Variants in RGS6 observed in about 807,000 individuals in gnomAD.
RGS6 encodes regulator of G-protein signaling 6.
In RGS6, 30 loss-of-function variants were observed where a neutral mutation model predicts 78.5. The observed-to-expected ratio is 0.38, with a 90% CI of 0.29 to 0.52. The LOEUF (loss-of-function observed/expected upper bound fraction) is 0.52. RGS6 is among the 20% of genes least tolerant of loss of function. The pLI is 0.85. For synonymous variants in RGS6, 206 were observed against 206.0 expected, an observed-to-expected ratio of 1.00 and a Z score of 0.00; for missense variants, 495 against 609.7, an observed-to-expected ratio of 0.81 and a Z score of 1.98.
chr14:72,137,521 C>A (rs2096463867), intron 2 of RGS6, among the ~76,000 whole-genome samples: 5 of 152,244 alleles, frequency 3.3e-5, no homozygotes, highest in Admixed American at 2.0e-4. Flanking sequence ...TACTTCTGAG[C>A]AACTGGCCAT....
the RGS6 span, among the ~76,000 whole-genome samples, chr14:71,899,352 G>T: frequency 6.6e-6 from 1 of 152,118 alleles, no homozygotes; most frequent in Non-Finnish European, 1.5e-5. Flanking sequence ...ACCAATTTCA[G>T]CAAATATTTC....
intron 2 of RGS6, among the ~76,000 whole-genome samples, chr14:72,262,746 C>A (rs2058386406): frequency 6.6e-6 from 1 of 152,188 alleles, no homozygotes; most frequent in Non-Finnish European, 1.5e-5. Flanking sequence ...ATGACCGAAA[C>A]TCAACTCAAA....
rs566184396 is a variant in RGS6, at chr14:72,003,753, C to T, written c.84+38878C>T. Among the ~76,000 whole-genome samples, 23 of 152,124 alleles carry T rather than the reference C, an allele frequency of 1.5e-4. 1 individual carries two copies. In the South Asian group the frequency reaches 4.4e-3, roughly 29 times the overall value. On this transcript the variant is annotated intron_variant, in intron 2 of 17. Transcript: ENST00000553525. ...GAGGGAGGACTGGGTAAAAGGAGAA[C>T]GTGTACTGTGTTGTCATTGGAAGGC...
chr14:72,202,801 G>A (rs1428646093), intron 2 of RGS6, among the ~76,000 whole-genome samples: 4 of 151,842 alleles, frequency 2.6e-5, no homozygotes, highest in South Asian at 2.1e-4. Context: ...GCAATTGTCC[G>A]CTTCTGCTTG....
chr14:72,420,225 G>A (rs2153100030), intron 3 of RGS6, among the ~76,000 whole-genome samples: 1 of 152,340 alleles, frequency 6.6e-6, no homozygotes. Flanking sequence ...ACAATGCCAG[G>A]AGGGTGTTAC....
At chr14:72,143,798 G>A (rs1341663923) in intron 2 of RGS6, among the ~76,000 whole-genome samples, 2 of 152,128 alleles carry the variant, frequency 1.3e-5, no homozygotes, top group Non-Finnish European at 2.9e-5. Context: ...ATTAGATAAT[G>A]AAATAAATTT....
intron 2 of RGS6, among the ~76,000 whole-genome samples, chr14:72,208,415 C>T (rs1215199539): frequency 6.6e-6 from 1 of 152,198 alleles, no homozygotes. Flanking sequence ...AGCCAAAATA[C>T]TTCCTTGTTG....
At chr14:72,055,410 T>A (rs1366018376) in intron 2 of RGS6, among the ~76,000 whole-genome samples, 1 of 152,246 alleles carries the variant, frequency 6.6e-6, no homozygotes, top group Non-Finnish European at 1.5e-5. Context: ...AGAATGTGGT[T>A]GCCTTCACAT....
At chr14:72,437,124 C>T (rs2094951743) in intron 3 of RGS6, among the ~76,000 whole-genome samples, 2 of 142,878 alleles carry the variant, frequency 1.4e-5, no homozygotes, top group Admixed American at 1.5e-4. Context: ...GAGTTCCAGA[C>T]CAGCTTGGCC....
chr14:71,895,287 G>A, the RGS6 span, among the ~76,000 whole-genome samples: 1 of 152,046 alleles, frequency 6.6e-6, no homozygotes, highest in Non-Finnish European at 1.5e-5. Context: ...GGGTTCAAGT[G>A]ATTCTCCTGC....
intron 2 of RGS6, among the ~76,000 whole-genome samples, chr14:72,311,900 G>C (rs1246816723): frequency 1.3e-5 from 2 of 152,184 alleles, no homozygotes; most frequent in African/African-American, 4.8e-5. Flanking sequence ...TCTGCTCCCA[G>C]TTCTCTTGCT....
At chr14:71,905,997 T>C in the RGS6 span, among the ~76,000 whole-genome samples, 1 of 152,192 alleles carries the variant, frequency 6.6e-6, no homozygotes, top group Non-Finnish European at 1.5e-5. Context: ...GAAGCCAACT[T>C]TGAGCTATAA....
intron 2 of RGS6, among the ~76,000 whole-genome samples, chr14:72,056,961 A>G (rs184827021): frequency 2.0e-5 from 3 of 152,264 alleles, no homozygotes; most frequent in Admixed American, 6.5e-5. Context: ...AATAAATGCT[A>G]AGGTATCATA....
intron 2 of RGS6, among the ~76,000 whole-genome samples, chr14:72,180,035 G>A (rs1358755817): frequency 6.6e-6 from 1 of 152,220 alleles, no homozygotes; most frequent in Non-Finnish European, 1.5e-5. Flanking sequence ...TCTAGTGATA[G>A]TTGTATTTTC....
rs117003374 is a variant in RGS6 at position 72,106,037 on chromosome 14, A to G, written c.84+141162A>G. 1.7e-3 allele frequency among the ~76,000 whole-genome samples: 254 copies of G among 152,340 alleles called. 6 individuals are homozygous for G. The East Asian group carries it at 0.046, about 28-fold the overall frequency. ...GAAACTCTCAGGTAGTGGTTGGGAG[A>G]AAAAGATCCAGAGGTCGCAGTGGGA... On this transcript the variant is annotated intron_variant, in intron 2 of 17. Coordinates refer to ENST00000553525, the MANE Select transcript of RGS6 (RefSeq NM_001204424.2).
intron 2 of RGS6, among the ~76,000 whole-genome samples, chr14:72,263,532 C>T (rs566571921): frequency 4.6e-5 from 7 of 151,946 alleles, no homozygotes; most frequent in Non-Finnish European, 7.4e-5. Flanking sequence ...CCCCCAAATT[C>T]ATATGTTAAA....
At chr14:72,132,650 C>T (rs920651264) in intron 2 of RGS6, among the ~76,000 whole-genome samples, 4 of 152,088 alleles carry the variant, frequency 2.6e-5, no homozygotes, top group Non-Finnish European at 5.9e-5. Flanking sequence ...ACTTCACACA[C>T]TCTTTTTTTT....
At chr14:72,161,291 G>A (rs1274968766) in intron 2 of RGS6, among the ~76,000 whole-genome samples, 4 of 152,062 alleles carry the variant, frequency 2.6e-5, no homozygotes, top group East Asian at 3.9e-4. Flanking sequence ...TGTAGATGAC[G>A]GGTTGATGGG....
intron 2 of RGS6, among the ~76,000 whole-genome samples, chr14:72,242,424 C>T (rs2153826782): frequency 6.6e-6 from 1 of 152,298 alleles, no homozygotes. Context: ...GCATCTCCTG[C>T]AGCTCAAATG....
Sources: allele counts gnomAD v4.1 joint callset (sites outside exome capture counted in the v4.1 genomes callset), GRCh38; gene constraint gnomAD v4.1.1; transcripts MANE v1.5; gene names NCBI Gene and HGNC (gene_info 2026-07-23, HGNC 2026-07-21).